Variants in STK24 observed in about 807,000 individuals in gnomAD.
STK24 encodes serine/threonine-protein kinase 24.
STK24 carries 21 observed loss-of-function variants against 55.6 expected under a neutral mutation model. That is an observed-to-expected ratio of 0.38 (90% CI 0.27 to 0.54). The LOEUF is 0.54. Among genes scored for constraint, STK24 ranks in the 20% least tolerant of loss-of-function variants. The pLI, the probability that STK24 is intolerant of heterozygous loss-of-function variation, is 0.79. For synonymous variants in STK24, 200 were observed against 215.2 expected, an observed-to-expected ratio of 0.93 and a Z score of 0.62; for missense variants, 383 against 538.4, an observed-to-expected ratio of 0.71 and a Z score of 2.86.
intron 4 of STK24, 25 bp from the exon 5 acceptor site, chr13:98,475,003 C>A (rs771994885): frequency 1.3e-6 from 2 of 1,589,196 alleles, no homozygotes; most frequent in South Asian, 1.2e-5. Flanking sequence ...CAAGGCGGCC[C>A]TGGGCGGTGC....
chr13:98,456,826 A>G (rs946608910), intron 10 of STK24: 2 of 411,276 alleles, frequency 4.9e-6, no homozygotes, highest in African/African-American at 4.1e-5. Flanking sequence ...CCAGATAGAT[A>G]GTTACACACA....
chr13:98,487,190 C>T (rs1894840466), intron 2 of STK24, among the ~76,000 whole-genome samples: 1 of 152,188 alleles, frequency 6.6e-6, no homozygotes, highest in Non-Finnish European at 1.5e-5. Context: ...GGGAAGGACC[C>T]AGCTCTGTCC....
At chr13:98,500,303 A>G (rs1895403016) in intron 2 of STK24, among the ~76,000 whole-genome samples, 2 of 152,168 alleles carry the variant, frequency 1.3e-5, no homozygotes, top group Admixed American at 1.3e-4. Context: ...CTCTGGACTT[A>G]GTTCTTCACC....
In STK24 at chr13:98,559,458, A is replaced by G. The variant is rs557846940; in HGVS notation, c.42+17287T>C. On this transcript the variant is annotated intron_variant, in intron 1 of 10. Coordinates refer to ENST00000539966, the MANE Select transcript of STK24 (RefSeq NM_001032296.4). ...TCTTTTGCCTTCCGCCATGACTGTG[A>G]GGCCTCCCCAACCATGTGGAACTAT... Among the ~76,000 whole-genome samples, 19 of 152,274 alleles carry G rather than the reference A, an allele frequency of 1.2e-4. No individual in the cohort carries two copies. In the South Asian group the frequency reaches 3.9e-3, roughly 32 times the overall value.
chr13:98,511,237 T>C (rs921385039), intron 2 of STK24, among the ~76,000 whole-genome samples: 1 of 152,234 alleles, frequency 6.6e-6, no homozygotes, highest in Non-Finnish European at 1.5e-5. Context: ...CGGGAAATAG[T>C]AAGCGTCTTA....
At chr13:98,518,778 A>G (rs979011140) in intron 2 of STK24, among the ~76,000 whole-genome samples, 7 of 152,240 alleles carry the variant, frequency 4.6e-5, no homozygotes, top group African/African-American at 1.4e-4. Flanking sequence ...CATTCTTAAA[A>G]GTCAAGCGTA....
In STK24 at chr13:98,447,976, C is replaced by CCTAA. The variant is rs1892960292; in HGVS notation, c.*5193_*5196dup. ...CCCAGCAACCAGAGGCCACCTCGCT[C>CCTAA]CTAACTGCTCCAATGGAGCGGGCAG... On this transcript the variant is annotated 3_prime_UTR_variant, in exon 11 of 11. Transcript: ENST00000539966. The CCTAA allele has an allele frequency of 1.9e-6, 1 of 522,498 alleles. No individual in the cohort carries two copies. The highest frequency in any genetic ancestry group is 1.9e-5 in the African/African-American group (1 of 51,438). The allele number at this position is 522,498 out of a possible 1,614,324, so 32.4% of individuals were successfully genotyped here.
intron 1 of STK24, among the ~76,000 whole-genome samples, chr13:98,534,604 C>T (rs904807758): frequency 2.0e-5 from 3 of 152,180 alleles, no homozygotes; most frequent in Non-Finnish European, 2.9e-5. Flanking sequence ...GGGATAAGAT[C>T]ACTGTTGTAA....
At chr13:98,531,221 T>C (rs1354217453) in intron 1 of STK24, among the ~76,000 whole-genome samples, 1 of 152,198 alleles carries the variant, frequency 6.6e-6, no homozygotes, top group Admixed American at 6.5e-5. Context: ...AGCTCACTCT[T>C]TATCAGTCTT....
intron 1 of STK24, among the ~76,000 whole-genome samples, chr13:98,548,521 G>A (rs751970516): frequency 2.6e-5 from 4 of 152,240 alleles, no homozygotes; most frequent in South Asian, 4.1e-4. Context: ...CTGATGATGC[G>A]TACACTTCAC....
intron 1 of STK24, among the ~76,000 whole-genome samples, chr13:98,569,547 G>A (rs758760346): frequency 2.6e-5 from 4 of 152,146 alleles, no homozygotes; most frequent in African/African-American, 4.8e-5. Flanking sequence ...CGCAGGTGAC[G>A]AAAGGCACAG....
intron 1 of STK24, among the ~76,000 whole-genome samples, chr13:98,529,179 C>T (rs1896512470): frequency 6.6e-6 from 1 of 152,104 alleles, no homozygotes; most frequent in Non-Finnish European, 1.5e-5. Context: ...TCTCCCCAGG[C>T]CCCCCACCAC....
chr13:98,522,448 A>G (rs559454858), intron 1 of STK24, among the ~76,000 whole-genome samples: 31 of 152,310 alleles, frequency 2.0e-4, no homozygotes, highest in South Asian at 1.4e-3. Context: ...AAACACCCCA[A>G]TGGATTCTGA....
At chr13:98,522,858 C>T (rs1466758230) in intron 1 of STK24, among the ~76,000 whole-genome samples, 3 of 152,226 alleles carry the variant, frequency 2.0e-5, no homozygotes, top group African/African-American at 7.2e-5. Flanking sequence ...ACCTCAAAGC[C>T]TATCCTACAC....
intron 3 of STK24, among the ~76,000 whole-genome samples, chr13:98,478,586 G>A (rs1337674720): frequency 6.6e-6 from 1 of 152,252 alleles, no homozygotes; most frequent in South Asian, 2.1e-4. Flanking sequence ...TGTGCAGGGG[G>A]AGAAATAAAT....
chr13:98,534,752 A>G (rs188590356), intron 1 of STK24, among the ~76,000 whole-genome samples: 2 of 152,178 alleles, frequency 1.3e-5, no homozygotes, highest in Admixed American at 1.3e-4. Context: ...ACCCACTTCA[A>G]TCTCCTATGA....
In STK24 at chr13:98,445,415, C is replaced by G. The variant is rs1892763619; in HGVS notation, c.*7758G>C. The G allele has an allele frequency of 6.6e-6, 1 of 152,310 alleles. No homozygotes were observed. The highest frequency in any genetic ancestry group is 2.4e-5 in the African/African-American group (1 of 41,566). 9.4% of individuals were successfully genotyped at this position (152,310 alleles called of 1,614,324 possible). On this transcript the variant is annotated 3_prime_UTR_variant, in exon 11 of 11. Transcript: ENST00000539966. ...GCATGGACACAGGTGCCTGTCCCTG[C>G]CCCCTAGCTGGGCTGCAGCGCATCC...
chr13:98,543,153 CCT>C (rs1896934837), intron 1 of STK24: 1 of 344,714 alleles, frequency 2.9e-6, no homozygotes, highest in Non-Finnish European at 4.1e-6. Flanking sequence ...TCGGGAAAAT[CCT>C]CTCTATCCAA....
chr13:98,537,654 G>A lies in STK24; in HGVS notation c.43-18181C>T, dbSNP rs545239099. ...GTGGAGACGTGCACCCGTAAGTACAGAATGTGAGACAGAAGCAAGAGGAGG... is the reference window on the plus strand; with the variant it reads ...GTGGAGACGTGCACCCGTAAGTACAAAATGTGAGACAGAAGCAAGAGGAGG... On this transcript the variant is annotated intron_variant, in intron 1 of 10. Coordinates refer to ENST00000539966, the MANE Select transcript of STK24 (RefSeq NM_001032296.4). Among the ~76,000 whole-genome samples, 317 of 152,278 alleles carry A rather than the reference G, an allele frequency of 2.1e-3. 1 individual carries two copies. Among genetic ancestry groups the A allele is most frequent in the African/African-American group, 7.3e-3 (304 of 41,556 alleles).
Sources: allele counts gnomAD v4.1 joint callset (sites outside exome capture counted in the v4.1 genomes callset), GRCh38; gene constraint gnomAD v4.1.1; transcripts MANE v1.5; gene names NCBI Gene and HGNC (gene_info 2026-07-23, HGNC 2026-07-21).